RTN1: variants seen among roughly 807,000 people sequenced by gnomAD.
RTN1 encodes reticulon 1, also known as reticulon-1.
In RTN1, 25 loss-of-function variants were observed where a neutral mutation model predicts 65.5. That is an observed-to-expected ratio of 0.38 (90% confidence interval 0.28 to 0.53). The LOEUF is 0.53. RTN1 is among the 20% of genes least tolerant of loss of function. The pLI, the probability that RTN1 is intolerant of heterozygous loss-of-function variation, is 0.79. For synonymous variants in RTN1, 471 were observed against 447.6 expected (o/e 1.05, Z -0.66); for missense variants, 983 against 1,025.4 (o/e 0.96, Z 0.57).
chr14:59,764,206 G>A (rs989002998), intron 1 of RTN1, among the ~76,000 whole-genome samples: 2 of 152,160 alleles, frequency 1.3e-5, no homozygotes, highest in African/African-American at 4.8e-5. Context: ...AGGAAACAAG[G>A]ATCCAGTGAC....
intron 3 of RTN1, among the ~76,000 whole-genome samples, chr14:59,700,586 AT>A (rs767686186): frequency 6.6e-6 from 1 of 152,152 alleles, no homozygotes; most frequent in Non-Finnish European, 1.5e-5. Context: ...CGGTCAATTT[AT>A]TTTTGGCCAG....
intron 1 of RTN1, among the ~76,000 whole-genome samples, chr14:59,855,700 C>T (rs1284824700): frequency 6.6e-6 from 1 of 152,068 alleles, no homozygotes; most frequent in Non-Finnish European, 1.5e-5. Flanking sequence ...AAATAGAAGT[C>T]CAGGTTTTCC....
intron 3 of RTN1, among the ~76,000 whole-genome samples, chr14:59,721,592 G>T (rs1884648248): frequency 6.6e-6 from 1 of 152,174 alleles, no homozygotes; most frequent in Non-Finnish European, 1.5e-5. Flanking sequence ...ACTCCAAAAG[G>T]TGCTGAGGTA....
intron 1 of RTN1, among the ~76,000 whole-genome samples, chr14:59,844,825 T>C (rs1023624584): frequency 6.6e-6 from 1 of 152,232 alleles, no homozygotes; most frequent in Non-Finnish European, 1.5e-5. Flanking sequence ...TATTAATAAA[T>C]TGTTAAATGA....
At chr14:59,728,896 C>T (rs1884839081) in intron 2 of RTN1, among the ~76,000 whole-genome samples, 1 of 152,082 alleles carries the variant, frequency 6.6e-6, no homozygotes, top group African/African-American at 2.4e-5. Context: ...TCTGCTTATA[C>T]TCTAGTGGAG....
At chr14:59,691,105 G>T (rs1009991166) in intron 3 of RTN1, among the ~76,000 whole-genome samples, 2 of 151,980 alleles carry the variant, frequency 1.3e-5, no homozygotes, top group African/African-American at 2.4e-5. Context: ...ACTGAACAAA[G>T]TTGAGACCCA....
At position 59,833,445 on chromosome 14, in the gene RTN1, T is replaced by C. The variant is rs143826874; in HGVS notation, c.241+36945A>G. 3.3e-3 allele frequency among the ~76,000 whole-genome samples: 505 copies of C among 152,344 alleles called. 2 individuals are homozygous for C. Among genetic ancestry groups the C allele is most frequent in the South Asian group, 0.016 (76 of 4,828 alleles). On this transcript the variant is annotated intron_variant, in intron 1 of 8. Transcript: ENST00000267484. ...GACAAATATTCAATATAGTAATATATAAAACTCAATTATAGGAAAATATTA... is the reference window on the plus strand; with the variant it reads ...GACAAATATTCAATATAGTAATATACAAAACTCAATTATAGGAAAATATTA...
At chr14:59,842,145 G>GAA (rs747807111) in intron 1 of RTN1, among the ~76,000 whole-genome samples, 2 of 124,310 alleles carry the variant, frequency 1.6e-5, no homozygotes, top group South Asian at 2.5e-4. Context: ...TTTTAAAAAA[G>GAA]AAAAAAAAAA....
At chr14:59,736,089 G>A (rs1319705607) in intron 2 of RTN1, among the ~76,000 whole-genome samples, 1 of 152,008 alleles carries the variant, frequency 6.6e-6, no homozygotes, top group African/African-American at 2.4e-5. Context: ...TAAAAAGCTA[G>A]AAAGATCTTA....
At chr14:59,823,570 C>A (rs930216514) in intron 1 of RTN1, among the ~76,000 whole-genome samples, 1 of 152,074 alleles carries the variant, frequency 6.6e-6, no homozygotes, top group Non-Finnish European at 1.5e-5. Flanking sequence ...GTTGGAATTT[C>A]TTTTCCTTAA....
chr14:59,734,051 G>C (rs1884956421), intron 2 of RTN1, among the ~76,000 whole-genome samples: 1 of 152,196 alleles, frequency 6.6e-6, no homozygotes, highest in Non-Finnish European at 1.5e-5. Context: ...CATCTTTACT[G>C]TTTCCCAACT....
chr14:59,604,428 C>T (rs1881678065), intron 5 of RTN1: 1 of 153,336 alleles, frequency 6.5e-6, no homozygotes, highest in African/African-American at 2.4e-5. Context: ...AAAGTATCTA[C>T]CATCTGTCTC....
intron 3 of RTN1, among the ~76,000 whole-genome samples, chr14:59,720,035 A>G (rs1487276120): frequency 6.6e-6 from 1 of 152,180 alleles, no homozygotes; most frequent in Non-Finnish European, 1.5e-5. Flanking sequence ...TGCATGCCCA[A>G]ACCAAATTTA....
At position 59,870,273 on chromosome 14, in the gene RTN1, G is replaced by A; in HGVS notation, c.241+117C>T. On this transcript the variant is annotated intron_variant, in intron 1 of 8. Coordinates refer to ENST00000267484, the MANE Select transcript of RTN1 (RefSeq NM_021136.3). This position sits in a 1 kb window ranked among gnomAD's most constrained non-coding sequence, Gnocchi z 5.1. ...GTCGCCCGTGGCGACGCGGGGGTGG[G>A]GTCGGCGCTCAAGGCAGAAAGCGCG... 7.7e-6 allele frequency: 8 copies of A among 1,045,570 alleles called. No homozygotes were observed. The highest frequency in any genetic ancestry group is 8.7e-6 in the Non-Finnish European group (7 of 800,996). The allele number at this position is 1,045,570 out of a possible 1,614,324, so 64.8% of individuals were successfully genotyped here.
At chr14:59,869,406 C>G (rs967945464) in intron 1 of RTN1, among the ~76,000 whole-genome samples, 2 of 152,090 alleles carry the variant, frequency 1.3e-5, no homozygotes, top group Non-Finnish European at 2.9e-5. Context: ...ACACAGCATC[C>G]CCTTTCCTCT....
chr14:59,823,773 A>G (rs1293181915), intron 1 of RTN1, among the ~76,000 whole-genome samples: 1 of 152,074 alleles, frequency 6.6e-6, no homozygotes, highest in Admixed American at 6.5e-5. Flanking sequence ...CTTATATAAT[A>G]TTTCACAGGG....
chr14:59,817,593 C>A (rs1485482512), intron 1 of RTN1, among the ~76,000 whole-genome samples: 1 of 151,440 alleles, frequency 6.6e-6, no homozygotes, highest in African/African-American at 2.4e-5. Context: ...TGTTGATATA[C>A]TAAAGCATCC....
chr14:59,761,948 G>A (rs1275855489), intron 1 of RTN1, among the ~76,000 whole-genome samples: 9 of 152,160 alleles, frequency 5.9e-5, no homozygotes, highest in Non-Finnish European at 8.8e-5. Context: ...AAGCAAATGA[G>A]GATGACAACT....
chr14:59,701,852 AT>A (rs1432027427), intron 3 of RTN1, among the ~76,000 whole-genome samples: 5 of 152,204 alleles, frequency 3.3e-5, no homozygotes, highest in African/African-American at 7.2e-5. Context: ...ATAAAGCTGT[AT>A]AAAAACAAAT....
Sources: gnomAD v4.1 joint callset for allele counts (sites outside exome capture counted in the v4.1 genomes callset) on GRCh38, gnomAD v4.1.1 for gene constraint, Gnocchi (gnomAD v3.1) non-coding constraint, MANE v1.5 for transcripts, NCBI Gene and HGNC (gene_info 2026-07-23, HGNC 2026-07-21) for gene names.